PEG3: variants seen among roughly 807,000 people sequenced by gnomAD.
PEG3 encodes paternally-expressed gene 3 protein.
Under a neutral mutation model 35.5 loss-of-function variants are expected in PEG3, and 23 were observed. The ratio of observed to expected loss-of-function variants is 0.65; its 90% confidence interval spans 0.47 to 0.92. The LOEUF (loss-of-function observed/expected upper bound fraction) is 0.92. Among genes scored for constraint, PEG3 ranks in the 40% least tolerant of loss-of-function variants. The probability of loss-of-function intolerance (pLI) is 0.00; values close to 1 mark genes in which losing one functional copy is unlikely to be tolerated. For missense variants in PEG3, 1,960 were observed against 1,985.3 expected (o/e 0.99, Z 0.24); for synonymous variants, 707 against 697.0 (o/e 1.01, Z -0.23).
At position 56,811,202 on chromosome 19, in the gene PEG3, TA is replaced by T; in HGVS notation, c.*2472del. ...CATAAACTTTTTAGTAACACTACCA[TA>T]AAGAACATTCAAGAAATTTAAGAAA... On this transcript the variant is annotated 3_prime_UTR_variant, in exon 10 of 10. Coordinates refer to ENST00000326441, the MANE Select transcript of PEG3 (RefSeq NM_006210.3). 2 of 970,938 alleles carry T rather than the reference TA, an allele frequency of 2.1e-6. No homozygotes were observed. Among genetic ancestry groups the T allele is most frequent in the Non-Finnish European group, 2.4e-6 (2 of 816,776 alleles). 60.1% of individuals were successfully genotyped at this position (970,938 alleles called of 1,614,324 possible).
chr19:56,821,609 A>G, intron 7 of PEG3, 42 bp downstream of exon 7: 1 of 1,607,856 alleles, frequency 6.2e-7, no homozygotes, highest in Non-Finnish European at 8.5e-7. Flanking sequence ...CTGCCATGAA[A>G]TGAAGATGGC....
chr19:56,813,703 G>C lies in PEG3; in HGVS notation c.4739C>G (p.Ala1580Gly). The change falls in exon 10 of 10, where the codon GCC becomes GGC. Residue 1580 changes from alanine (A) to glycine (G), a missense_variant. This residue lies in a region of PEG3 where 416 missense variants were observed against 416.7 expected (regional missense o/e 1.00). Coordinates refer to ENST00000326441, the MANE Select transcript of PEG3 (RefSeq NM_006210.3). ...GCCAGTGTGGGTATTCTGGTGTCTG[G>C]CGAGGGACAGGCGGTCATTGAAGAG... ...GQLFNDRLSL[A>G]RHQNTHTG 1 of 1,613,810 alleles carries C rather than the reference G, an allele frequency of 6.2e-7. No individual in the cohort carries two copies. The highest frequency in any genetic ancestry group is 8.5e-7 in the Non-Finnish European group (1 of 1,179,776).
rs963052932 is a variant in PEG3, at chr19:56,811,950, C to T, written c.*1725G>A. On this transcript the variant is annotated 3_prime_UTR_variant, in exon 10 of 10. Coordinates refer to ENST00000326441, the MANE Select transcript of PEG3 (RefSeq NM_006210.3). ...TTGACTCACTCATTTCTGCTTCTTG[C>T]TCTCAGCTCTACAATCTTCCTAAAC... is the stretch of plus-strand genomic sequence containing the variant. 9 of 985,278 alleles carry T rather than the reference C, an allele frequency of 9.1e-6. No individual in the cohort carries two copies. Among genetic ancestry groups the T allele is most frequent in the Non-Finnish European group, 9.6e-6 (8 of 829,842 alleles). 61.0% of individuals were successfully genotyped at this position (985,278 alleles called of 1,614,324 possible).
intron 1 of PEG3, among the ~76,000 whole-genome samples, chr19:56,836,739 C>T (rs1247477466): frequency 6.6e-6 from 1 of 152,012 alleles, no homozygotes; most frequent in Non-Finnish European, 1.5e-5. Context: ...GAGGCCAAGG[C>T]GGGCAGATCA....
chr19:56,826,396 G>C lies in PEG3; in HGVS notation c.-95C>G, dbSNP rs889994410. 1 of 152,258 alleles carries C rather than the reference G, an allele frequency of 6.6e-6. No individual in the cohort carries two copies. The highest frequency in any genetic ancestry group is 2.4e-5 in the African/African-American group (1 of 41,462). 9.4% of individuals were successfully genotyped at this position (152,258 alleles called of 1,614,324 possible). ...CTCAGATATGTAATCACCTGTCTGG[G>C]AACAGGATCCTTTCTGGAACTTCAG... On this transcript the variant is annotated 5_prime_UTR_variant, in exon 3 of 10. Coordinates refer to ENST00000326441, the MANE Select transcript of PEG3 (RefSeq NM_006210.3).
chr19:56,810,133 AC>A lies in PEG3; in HGVS notation c.*3541del, dbSNP rs1364499836. The A allele has an allele frequency of 1.0e-6, 1 of 967,898 alleles. No homozygotes were observed. The highest frequency in any genetic ancestry group is 1.8e-5 in the African/African-American group (1 of 56,882). 60.0% of individuals were successfully genotyped at this position (967,898 alleles called of 1,614,324 possible). On this transcript the variant is annotated 3_prime_UTR_variant, in exon 10 of 10. Coordinates refer to ENST00000326441, the MANE Select transcript of PEG3 (RefSeq NM_006210.3). ...TGACACTATTACAGATAGAATGACC[AC>A]AACCATATTAACAAACCAAAAACCT...
chr19:56,819,806 C>T (rs2060304144), intron 7 of PEG3, among the ~76,000 whole-genome samples: 1 of 151,966 alleles, frequency 6.6e-6, no homozygotes, highest in Admixed American at 6.6e-5. Flanking sequence ...ATTAAATCTA[C>T]CATAGTTCTA....
Position 56,813,826 on chromosome 19 carries a change from A to T in PEG3, c.4616T>A (p.Phe1539Tyr), listed in dbSNP as rs780776854. ...TTCGATGTAGCCTGAGCACTCCCCA[A>T]AGGCATTTGCAGGCTCAAATATGAT... ...SMIIFEPANA[F>Y]GECSGYIERA... The change falls in exon 10 of 10, where the codon TTT becomes TAT. Residue 1539 changes from phenylalanine (F) to tyrosine (Y), a missense_variant. By Grantham distance (22) the Phe-to-Tyr change is conservative (BLOSUM62 3). This residue lies in a region of PEG3 where 416 missense variants were observed against 416.7 expected (regional missense o/e 1.00). Coordinates refer to ENST00000326441, the MANE Select transcript of PEG3 (RefSeq NM_006210.3). The T allele has an allele frequency of 6.2e-7, 1 of 1,614,034 alleles. No individual in the cohort carries two copies. The highest frequency in any genetic ancestry group is 8.5e-7 in the Non-Finnish European group (1 of 1,180,026).
At chr19:56,818,578 A>C in intron 8 of PEG3, 22 bp downstream of exon 8, 1 of 1,613,634 alleles carries the variant, frequency 6.2e-7, no homozygotes, top group Admixed American at 1.7e-5. Flanking sequence ...ACTGGGAGTG[A>C]CTGAGAGAAG....
In PEG3 at chr19:56,816,459, C is replaced by G; in HGVS notation, c.1983G>C (p.Val661=). The G allele has an allele frequency of 6.2e-7, 1 of 1,613,896 alleles. No individual in the cohort carries two copies. Among genetic ancestry groups the G allele is most frequent in the South Asian group, 1.1e-5 (1 of 91,058 alleles). The part of the protein sequence containing the change: ...RGNPFENKGK[V]CEETFIPGQS... ...GACCAGGAATAAAGGTTTCCTCACA[C>G]ACTTTACCCTTGTTTTCAAATGGGT... The change falls in exon 10 of 10, where the codon GTG becomes GTC. Residue 661 remains valine (V), a synonymous_variant. Transcript: ENST00000326441.
intron 2 of PEG3, among the ~76,000 whole-genome samples, chr19:56,828,179 C>T (rs1021624904): frequency 2.6e-5 from 4 of 152,148 alleles, no homozygotes; most frequent in Non-Finnish European, 4.4e-5. Flanking sequence ...CTCCCCGCAT[C>T]GCCTCCCTAT....
chr19:56,816,705 A>G lies in PEG3; in HGVS notation c.1737T>C (p.Ile579=). 1 of 1,614,134 alleles carries G rather than the reference A, an allele frequency of 6.2e-7. No individual in the cohort carries two copies. Among genetic ancestry groups the G allele is most frequent in the Non-Finnish European group, 8.5e-7 (1 of 1,180,006 alleles). The stretch of plus-strand genomic sequence containing the variant: ...CCCCAAAGTGGATTTTCTGGTGCTC[A>G]ATCAGGGCAGAACTATGAAGGAAGG... ...KETFLHSSAL[I]EHQKIHFGDD... Residue 579 remains isoleucine, a synonymous_variant, in exon 10 of 10, where the codon ATT becomes ATC. Transcript: ENST00000326441.
At chr19:56,819,893 A>C (rs1011972932) in intron 7 of PEG3, among the ~76,000 whole-genome samples, 2 of 152,214 alleles carry the variant, frequency 1.3e-5, no homozygotes, top group African/African-American at 4.8e-5. Context: ...AAAGACAAAG[A>C]GGTACGGGTA....
chr19:56,829,043 G>T (rs1019419505), intron 2 of PEG3, among the ~76,000 whole-genome samples: 13 of 151,836 alleles, frequency 8.6e-5, no homozygotes, highest in African/African-American at 3.1e-4. Context: ...ATGATAATAA[G>T]AAAAAAAAGC....
rs148497448 is a variant in PEG3, at chr19:56,812,224, G to A, written c.*1451C>T. 574 of 981,358 alleles carry A rather than the reference G, an allele frequency of 5.8e-4. 1 individual carries two copies. The African/African-American group carries it at 9.4e-3, about 16-fold the overall frequency. 60.8% of individuals were successfully genotyped at this position (981,358 alleles called of 1,614,324 possible). On this transcript the variant is annotated 3_prime_UTR_variant, in exon 10 of 10. Coordinates refer to ENST00000326441, the MANE Select transcript of PEG3 (RefSeq NM_006210.3). The stretch of plus-strand genomic sequence containing the variant: ...GGGGAGGGGAAGCAAAGGAGCACAG[G>A]TAGTCCACAGAATAGGACACAAGAA...
chr19:56,837,669 AG>A (rs1419937780), intron 1 of PEG3, among the ~76,000 whole-genome samples: 1 of 152,162 alleles, frequency 6.6e-6, no homozygotes, highest in Admixed American at 6.5e-5. Flanking sequence ...GCGGTCACTC[AG>A]GAAGGCTCCA....
chr19:56,835,661 C>T (rs1362609967), intron 2 of PEG3, among the ~76,000 whole-genome samples: 1 of 152,216 alleles, frequency 6.6e-6, no homozygotes, highest in Admixed American at 6.5e-5. Flanking sequence ...ACTTCCTTTC[C>T]CCCATTGGGG....
At chr19:56,840,210 C>A (rs866005243) in intron 1 of PEG3, among the ~76,000 whole-genome samples, 31 of 152,322 alleles carry the variant, frequency 2.0e-4, no homozygotes, top group Admixed American at 3.3e-4. Flanking sequence ...CGTGGCAGAG[C>A]CCCCGGCTGT....
intron 2 of PEG3, among the ~76,000 whole-genome samples, chr19:56,829,460 T>C (rs763360580): frequency 3.8e-4 from 58 of 152,312 alleles, no homozygotes; most frequent in Non-Finnish European, 6.8e-4. Context: ...GTAACACATT[T>C]TACACATGGA....
Sources: gnomAD v4.1 joint callset for allele counts (sites outside exome capture counted in the v4.1 genomes callset) on GRCh38, gnomAD v4.1.1 for gene constraint, gnomAD v4.1.1 regional missense constraint, MANE v1.5 for transcripts, NCBI Gene and HGNC (gene_info 2026-07-23, HGNC 2026-07-21) for gene names.